The following GABRB3 variants were observed in gnomAD, a reference collection of about 807,000 sequenced individuals.
The protein encoded by GABRB3 is gamma-aminobutyric acid type A receptor subunit beta3.
A neutral mutation model predicts 52.1 loss-of-function variants in GABRB3; 14 were observed. The observed-to-expected ratio is 0.27, with a 90% CI of 0.18 to 0.42. GABRB3 has a LOEUF of 0.42. Among genes scored for constraint, GABRB3 ranks in the 10% least tolerant of loss-of-function variants. GABRB3 has a pLI of 1.00. For missense variants in GABRB3, 307 were observed against 609.1 expected, an observed-to-expected ratio of 0.50 and a Z score of 5.22; for synonymous variants, 260 against 232.3, an observed-to-expected ratio of 1.12 and a Z score of -1.08.
intron 3 of GABRB3, among the ~76,000 whole-genome samples, chr15:26,641,669 G>A (rs976337555): frequency 2.6e-5 from 4 of 152,242 alleles, no homozygotes; most frequent in African/African-American, 4.8e-5. Flanking sequence ...TTACCATGCC[G>A]ACACTACTCT....
chr15:26,765,226 T>G (rs1253564136), intron 3 of GABRB3, among the ~76,000 whole-genome samples: 1 of 151,450 alleles, frequency 6.6e-6, no homozygotes, highest in Non-Finnish European at 1.5e-5. Context: ...TGTACAAAGG[T>G]ACCAGTGATT....
intron 7 of GABRB3, among the ~76,000 whole-genome samples, chr15:26,562,931 A>G (rs778116640): frequency 2.2e-4 from 33 of 152,246 alleles, no homozygotes; most frequent in Non-Finnish European, 3.4e-4. Flanking sequence ...TTTTAACATC[A>G]CATTCATGTG....
chr15:26,574,885 T>C (rs1890539415), intron 6 of GABRB3, among the ~76,000 whole-genome samples: 1 of 152,216 alleles, frequency 6.6e-6, no homozygotes, highest in African/African-American at 2.4e-5. Flanking sequence ...TTGTATGGTA[T>C]GCGAATTGTA....
At chr15:26,661,925 C>CACAA (rs1308006376) in intron 3 of GABRB3, among the ~76,000 whole-genome samples, 1 of 151,632 alleles carries the variant, frequency 6.6e-6, no homozygotes, top group Non-Finnish European at 1.5e-5. Flanking sequence ...CTCTGATTGC[C>CACAA]ACAAACCACA....
chr15:26,664,557 A>AT (rs1309828453), intron 3 of GABRB3, among the ~76,000 whole-genome samples: 2 of 151,422 alleles, frequency 1.3e-5, no homozygotes, highest in Non-Finnish European at 2.9e-5. Context: ...TTATTTATTT[A>AT]TTTTTAATTA....
chr15:26,618,323 G>T (rs1297056001), intron 4 of GABRB3, among the ~76,000 whole-genome samples: 4 of 151,834 alleles, frequency 2.6e-5, no homozygotes, highest in Admixed American at 6.6e-5. Context: ...CAGAGATATA[G>T]ATCAATGGAA....
At chr15:26,584,662 C>T (rs1401749104) in intron 4 of GABRB3, among the ~76,000 whole-genome samples, 1 of 152,204 alleles carries the variant, frequency 6.6e-6, no homozygotes, top group East Asian at 1.9e-4. Context: ...CACTGAGAAA[C>T]AATACTTCTA....
chr15:26,629,948 G>C (rs1254841936), intron 3 of GABRB3, among the ~76,000 whole-genome samples: 1 of 152,074 alleles, frequency 6.6e-6, no homozygotes, highest in Non-Finnish European at 1.5e-5. Context: ...CGCCAATCCT[G>C]AGATGGGGCT....
chr15:26,755,234 T>C (rs1890629074), intron 3 of GABRB3, among the ~76,000 whole-genome samples: 1 of 152,000 alleles, frequency 6.6e-6, no homozygotes. Context: ...CTCGATCTCC[T>C]GACCTTGTGA....
chr15:26,650,423 A>G (rs1052053421), intron 3 of GABRB3, among the ~76,000 whole-genome samples: 2 of 152,100 alleles, frequency 1.3e-5, no homozygotes, highest in African/African-American at 2.4e-5. Context: ...GTCAGGCTGA[A>G]GACCCAGTAG....
chr15:26,679,972 T>C (rs1365083950), intron 3 of GABRB3, among the ~76,000 whole-genome samples: 1 of 152,222 alleles, frequency 6.6e-6, no homozygotes, highest in Non-Finnish European at 1.5e-5. Flanking sequence ...TTACGTGTCA[T>C]TCATTTTGTT....
intron 3 of GABRB3, among the ~76,000 whole-genome samples, chr15:26,634,871 CAT>C (rs1463043650): frequency 6.8e-6 from 1 of 146,408 alleles, no homozygotes; most frequent in African/African-American, 2.5e-5. Context: ...TATATACACA[CAT>C]ATTTATAGAG....
intron 4 of GABRB3, among the ~76,000 whole-genome samples, chr15:26,587,579 G>A (rs964222484): frequency 1.3e-5 from 2 of 152,148 alleles, no homozygotes; most frequent in African/African-American, 4.8e-5. Flanking sequence ...ACCCTGGGAT[G>A]TTGCAGAAAT....
chr15:26,763,203 T>C (rs565629005), intron 3 of GABRB3, among the ~76,000 whole-genome samples: 21 of 152,296 alleles, frequency 1.4e-4, no homozygotes, highest in South Asian at 4.1e-4. Context: ...TCTTGGCCTA[T>C]AGCTTTGGAA....
Position 26,772,736 on chromosome 15 carries a change from C to T in GABRB3, c.117G>A (p.Glu39=). The T allele has an allele frequency of 6.3e-7, 1 of 1,574,806 alleles. No individual in the cohort carries two copies. The highest frequency in any genetic ancestry group is 8.6e-7 in the Non-Finnish European group (1 of 1,160,044). ...AGCCTTTCAACAGCTTGTCCACCGT[C>T]TCCTTCACAAAGGACATGTTCCCGG... is the stretch of plus-strand genomic sequence containing the variant. ...NDPGNMSFVK[E]TVDKLLKGYD... Residue 39 remains glutamate (E), a synonymous_variant, in exon 2 of 9, where the codon GAG becomes GAA. Coordinates refer to ENST00000311550, the MANE Select transcript of GABRB3 (RefSeq NM_000814.6).
chr15:26,667,823 G>A (rs1467201211), intron 3 of GABRB3, among the ~76,000 whole-genome samples: 2 of 152,116 alleles, frequency 1.3e-5, no homozygotes, highest in Non-Finnish European at 2.9e-5. Flanking sequence ...ATCCCTCCAC[G>A]TGACTCAGAG....
chr15:26,626,853 C>T (rs765134586), intron 3 of GABRB3, among the ~76,000 whole-genome samples: 1 of 152,182 alleles, frequency 6.6e-6, no homozygotes, highest in Admixed American at 6.5e-5. Flanking sequence ...TCCAGAAGAT[C>T]CCGCTAAAAT....
In GABRB3 at chr15:26,615,951, A is replaced by G. The variant is rs531904758; in HGVS notation, c.461+5363T>C. 4.5e-5 allele frequency: 58 copies of G among 1,289,038 alleles called. No homozygotes were observed. In the African/African-American group the frequency reaches 6.5e-4, roughly 14 times the overall value. The allele number at this position is 1,289,038 out of a possible 1,614,324, so 79.9% of individuals were successfully genotyped here. A position where few individuals can be genotyped will look rare whatever the true frequency, so the allele number is the denominator to read the frequency against. On this transcript the variant is annotated intron_variant, in intron 4 of 8. Transcript: ENST00000311550. Reference sequence around the variant, plus strand: ...GGACCTTCCTCAGCAGTACTTTACAAGCAGGAACAGCAGGAACAACCCCAG... The same window carrying G: ...GGACCTTCCTCAGCAGTACTTTACAGGCAGGAACAGCAGGAACAACCCCAG...
intron 3 of GABRB3, among the ~76,000 whole-genome samples, chr15:26,746,479 C>A (rs1472319681): frequency 6.6e-6 from 1 of 151,638 alleles, no homozygotes; most frequent in African/African-American, 2.4e-5. Flanking sequence ...ATGAATCATG[C>A]TTTTGGTGTT....
Sources: gnomAD v4.1 joint callset for allele counts (sites outside exome capture counted in the v4.1 genomes callset) on GRCh38, gnomAD v4.1.1 for gene constraint, MANE v1.5 for transcripts, NCBI Gene and HGNC (gene_info 2026-07-23, HGNC 2026-07-21) for gene names.